GRIK2: variants seen among roughly 807,000 people sequenced by gnomAD.
GRIK2 encodes the protein glutamate ionotropic receptor kainate type subunit 2.
A neutral mutation model predicts 100.3 loss-of-function variants in GRIK2; 32 were observed. That is an observed-to-expected ratio of 0.32 (90% CI 0.24 to 0.43). GRIK2 has a LOEUF of 0.43. GRIK2 is among the 20% of genes least tolerant of loss of function. The probability of loss-of-function intolerance (pLI) is 1.00; values close to 1 mark genes in which losing one functional copy is unlikely to be tolerated. For missense variants in GRIK2, 843 were observed against 1,114.9 expected, an observed-to-expected ratio of 0.76 and a Z score of 3.47; for synonymous variants, 417 against 389.4, an observed-to-expected ratio of 1.07 and a Z score of -0.83.
chr6:101,865,893 A>G (rs975474377), intron 11 of GRIK2, among the ~76,000 whole-genome samples: 18 of 151,684 alleles, frequency 1.2e-4, no homozygotes, highest in Non-Finnish European at 2.2e-4. Context: ...CGTCTCAAAA[A>G]AAAAGAAAAA....
intron 12 of GRIK2, among the ~76,000 whole-genome samples, chr6:101,916,432 G>A (rs1271676320): frequency 6.7e-5 from 3 of 45,002 alleles, no homozygotes; most frequent in Admixed American, 2.9e-4. Context: ...GATGAAGCAG[G>A]AAGTCTTCTA....
chr6:101,595,710 G>GTATATA (rs1380908125), intron 2 of GRIK2, among the ~76,000 whole-genome samples: 10 of 125,954 alleles, frequency 7.9e-5, no homozygotes, highest in African/African-American at 3.1e-4. Context: ...GTGTGTGTGT[G>GTATATA]TGTGTGTGTA....
intron 2 of GRIK2, among the ~76,000 whole-genome samples, chr6:101,420,116 C>T (rs1776341522): frequency 6.6e-6 from 1 of 152,168 alleles, no homozygotes; most frequent in Admixed American, 6.5e-5. Context: ...GTTTTTCAAA[C>T]ATTATATTAT....
At chr6:101,904,151 TTAACATA>T (rs1384663975) in intron 12 of GRIK2, among the ~76,000 whole-genome samples, 5 of 104,492 alleles carry the variant, frequency 4.8e-5, no homozygotes, top group Non-Finnish European at 7.9e-5. Flanking sequence ...AAGCATTGCT[TTAACATA>T]TAAGTTCACT....
At chr6:101,837,852 T>G (rs1295928453) in intron 10 of GRIK2, among the ~76,000 whole-genome samples, 2 of 152,242 alleles carry the variant, frequency 1.3e-5, no homozygotes, top group African/African-American at 2.4e-5. Flanking sequence ...AATCAAGGAT[T>G]ATTGGTTTCC....
chr6:101,817,253 T>C (rs1415466644), intron 9 of GRIK2, among the ~76,000 whole-genome samples: 1 of 152,142 alleles, frequency 6.6e-6, no homozygotes, highest in Non-Finnish European at 1.5e-5. Context: ...TATGAGGAAA[T>C]ATGGCAAAGA....
chr6:101,419,198 T>C (rs1776294508), intron 2 of GRIK2, among the ~76,000 whole-genome samples: 1 of 152,200 alleles, frequency 6.6e-6, no homozygotes, highest in Admixed American at 6.5e-5. Flanking sequence ...TGTCACATGA[T>C]CTATTCTCCC....
chr6:101,520,413 G>A (rs2128281207), intron 2 of GRIK2, among the ~76,000 whole-genome samples: 1 of 150,782 alleles, frequency 6.6e-6, no homozygotes, highest in African/African-American at 2.4e-5. Flanking sequence ...GTAAGCCTCA[G>A]AAATAATATG....
chr6:101,778,317 G>T (rs889620520), intron 7 of GRIK2, among the ~76,000 whole-genome samples: 2 of 152,100 alleles, frequency 1.3e-5, no homozygotes, highest in African/African-American at 2.4e-5. Flanking sequence ...GAAAAATGGT[G>T]AATCACTCTT....
intron 12 of GRIK2, among the ~76,000 whole-genome samples, chr6:101,916,892 C>A (rs1789148264): frequency 6.6e-6 from 1 of 151,556 alleles, no homozygotes; most frequent in African/African-American, 2.4e-5. Flanking sequence ...TCTTTCATGG[C>A]TTGTTTTAAA....
At chr6:101,563,546 T>A (rs1197309029) in intron 2 of GRIK2, among the ~76,000 whole-genome samples, 1 of 152,190 alleles carries the variant, frequency 6.6e-6, no homozygotes, top group Non-Finnish European at 1.5e-5. Context: ...TTTTTGCAAA[T>A]GCTTTTACCC....
intron 7 of GRIK2, among the ~76,000 whole-genome samples, chr6:101,750,807 A>G (rs1404643503): frequency 6.6e-6 from 1 of 152,210 alleles, no homozygotes; most frequent in Non-Finnish European, 1.5e-5. Context: ...AGCTTGGTAG[A>G]GGAATAATAG....
intron 7 of GRIK2, among the ~76,000 whole-genome samples, chr6:101,785,291 G>C (rs1779351339): frequency 6.6e-6 from 1 of 152,034 alleles, no homozygotes; most frequent in Admixed American, 6.6e-5. Context: ...TTGCTTTGCT[G>C]TGCAGAATCT....
intron 12 of GRIK2, among the ~76,000 whole-genome samples, chr6:101,898,594 C>G (rs924809219): frequency 9.9e-5 from 15 of 151,702 alleles, no homozygotes; most frequent in African/African-American, 3.1e-4. Context: ...ACATTAGCAA[C>G]CAAATGTGTA....
chr6:101,402,863 C>G (rs1355910739), intron 2 of GRIK2, among the ~76,000 whole-genome samples: 1 of 152,230 alleles, frequency 6.6e-6, no homozygotes, highest in African/African-American at 2.4e-5. Context: ...AGCTGCGTCC[C>G]GGCCTTGCCC....
intron 2 of GRIK2, among the ~76,000 whole-genome samples, chr6:101,410,434 A>C (rs1582387420): frequency 6.6e-6 from 1 of 152,190 alleles, no homozygotes; most frequent in Admixed American, 6.5e-5. Context: ...TCTGGTGCTT[A>C]CTTTTTAAGG....
intron 2 of GRIK2, among the ~76,000 whole-genome samples, chr6:101,619,865 G>A (rs969159454): frequency 2.6e-5 from 4 of 152,114 alleles, no homozygotes; most frequent in African/African-American, 7.2e-5. Context: ...AGTCAGGCAT[G>A]AGCAGATTCT....
At position 101,800,275 on chromosome 6, in the gene GRIK2, T is replaced by TA. The variant is rs1294438567; in HGVS notation, c.1095+485dup. ...TCAAAGTGCAAAATTTACTCCATGT[T>TA]ATATAATGCAACCATTCTTATGACC... On this transcript the variant is annotated intron_variant, in intron 8 of 16. Transcript: ENST00000369134. 1.1e-4 allele frequency among the ~76,000 whole-genome samples: 16 copies of TA among 151,970 alleles called. No homozygotes were observed. In the East Asian group the frequency reaches 2.7e-3, roughly 26 times the overall value.
At chr6:101,695,784 A>G (rs1052822226) in intron 7 of GRIK2, among the ~76,000 whole-genome samples, 1 of 152,076 alleles carries the variant, frequency 6.6e-6, no homozygotes, top group African/African-American at 2.4e-5. Flanking sequence ...TACCTTAAAC[A>G]TGTTCAGAAT....
Sources: allele counts gnomAD v4.1 joint callset (sites outside exome capture counted in the v4.1 genomes callset), GRCh38; gene constraint gnomAD v4.1.1; transcripts MANE v1.5; gene names NCBI Gene and HGNC (gene_info 2026-07-23, HGNC 2026-07-21).